Variants in DCUN1D4 observed in about 807,000 individuals in gnomAD.
DCUN1D4 encodes defective in cullin neddylation 1 domain containing 4.
Under a neutral mutation model 47.9 loss-of-function variants are expected in DCUN1D4, and 22 were observed. The observed-to-expected ratio is 0.46, with a 90% CI of 0.33 to 0.66. The LOEUF (loss-of-function observed/expected upper bound fraction) is 0.66. Ranked by LOEUF, DCUN1D4 falls within the 30% of genes least tolerant of loss-of-function variation. The pLI is 0.02. For missense variants in DCUN1D4, 301 were observed against 340.8 expected (o/e 0.88, Z 0.92); for synonymous variants, 121 against 112.2 (o/e 1.08, Z -0.50).
At chr4:51,890,203 T>G (rs1196750847) in intron 6 of DCUN1D4, among the ~76,000 whole-genome samples, 1 of 152,048 alleles carries the variant, frequency 6.6e-6, no homozygotes, top group East Asian at 1.9e-4. Flanking sequence ...GTTCTAGAGT[T>G]TTTAATGGAC....
chr4:51,885,459 C>A (rs966000216), intron 5 of DCUN1D4, among the ~76,000 whole-genome samples: 2 of 152,130 alleles, frequency 1.3e-5, no homozygotes, highest in Non-Finnish European at 2.9e-5. Context: ...ATAAGCAGGC[C>A]TGATATCGAG....
In DCUN1D4 at chr4:51,913,712, G is replaced by C; in HGVS notation, c.*128G>C. 1.2e-6 allele frequency: 1 copy of C among 846,670 alleles called. No individual in the cohort carries two copies. Among genetic ancestry groups the C allele is most frequent in the Admixed American group, 2.1e-5 (1 of 47,578 alleles). The allele number at this position is 846,670 out of a possible 1,614,324, so 52.4% of individuals were successfully genotyped here. ...TGTTTCCCTTTCGCAGGGACATGTT[G>C]GTGTTTGCTATTGAATTGGCCAGCT... On this transcript the variant is annotated 3_prime_UTR_variant, in exon 11 of 11. Transcript: ENST00000334635.
At position 51,883,428 on chromosome 4, in the gene DCUN1D4, C is replaced by T. The variant is rs532806216; in HGVS notation, c.344-3140C>T. Among the ~76,000 whole-genome samples the T allele has an allele frequency of 3.9e-5, 6 of 152,258 alleles. No individual in the cohort carries two copies. In the South Asian group the frequency reaches 1.2e-3, roughly 32 times the overall value. Reference sequence around the variant, plus strand: ...TGATGTGTAGTGTGTCTAATACATACATGAATGTGCACATGTGGATATATG... The same window carrying T: ...TGATGTGTAGTGTGTCTAATACATATATGAATGTGCACATGTGGATATATG... On this transcript the variant is annotated intron_variant, in intron 5 of 10. Transcript: ENST00000334635.
intron 8 of DCUN1D4, among the ~76,000 whole-genome samples, chr4:51,902,107 C>G (rs926175000): frequency 6.6e-6 from 1 of 152,146 alleles, no homozygotes; most frequent in Non-Finnish European, 1.5e-5. Context: ...TCCAGATAAT[C>G]TTTCTATTAT....
intron 1 of DCUN1D4, 118 bp from the exon 2 acceptor site, chr4:51,863,319 G>T (rs1342338917): frequency 1.2e-6 from 1 of 806,748 alleles, no homozygotes; most frequent in South Asian, 1.6e-5. Context: ...AAAAACTTTA[G>T]TGTCAAATTA....
intron 3 of DCUN1D4, among the ~76,000 whole-genome samples, chr4:51,869,250 T>G (rs1028517896): frequency 6.6e-6 from 1 of 152,090 alleles, no homozygotes; most frequent in Non-Finnish European, 1.5e-5. Context: ...TCTTTTGTCC[T>G]TAGCAGTTCA....
chr4:51,872,441 A>G (rs1013927415), intron 3 of DCUN1D4, among the ~76,000 whole-genome samples: 2 of 151,826 alleles, frequency 1.3e-5, no homozygotes, highest in Admixed American at 6.6e-5. Context: ...TCTGGCCTGC[A>G]CTCCCACCAA....
chr4:51,901,566 A>G (rs562391706), intron 8 of DCUN1D4, among the ~76,000 whole-genome samples: 1 of 152,202 alleles, frequency 6.6e-6, no homozygotes, highest in Admixed American at 6.5e-5. Flanking sequence ...TTGCATTAGC[A>G]CAGTTGTACC....
At chr4:51,858,193 C>A (rs2109863437) in intron 1 of DCUN1D4, among the ~76,000 whole-genome samples, 1 of 152,150 alleles carries the variant, frequency 6.6e-6, no homozygotes. Context: ...TTGATACATG[C>A]ATAATTGTGG....
intron 3 of DCUN1D4, chr4:51,865,159 A>G (rs544670721): frequency 3.8e-5 from 8 of 210,346 alleles, no homozygotes; most frequent in African/African-American, 1.4e-4. Context: ...CTGCAGTTCA[A>G]TCACCTTTTT....
At chr4:51,855,559 A>T (rs1043069368) in intron 1 of DCUN1D4, among the ~76,000 whole-genome samples, 26 of 152,214 alleles carry the variant, frequency 1.7e-4, no homozygotes, top group African/African-American at 4.8e-4. Context: ...GTCAAGGGTC[A>T]TGGAGGCTGA....
At chr4:51,845,103 T>A (rs1722327207) in intron 1 of DCUN1D4, 1 of 985,364 alleles carries the variant, frequency 1.0e-6, no homozygotes, top group African/African-American at 1.7e-5. Flanking sequence ...TGTACCATCA[T>A]GCGCACGGGT....
At chr4:51,842,826 G>A (rs1224010415), upstream of DCUN1D4, among the ~76,000 whole-genome samples, 17 of 152,140 alleles carry the variant, frequency 1.1e-4, no homozygotes, top group Admixed American at 1.1e-3. Context: ...AATCCCGCCC[G>A]CCACTGGGCG....
chr4:51,891,270 T>C (rs1030015779), intron 6 of DCUN1D4, among the ~76,000 whole-genome samples: 2 of 152,278 alleles, frequency 1.3e-5, no homozygotes, highest in Admixed American at 1.3e-4. Context: ...GGTGTCATAG[T>C]ATTCCTTTAT....
chr4:51,889,416 C>T (rs2110057652), intron 6 of DCUN1D4, among the ~76,000 whole-genome samples: 1 of 152,314 alleles, frequency 6.6e-6, no homozygotes, highest in African/African-American at 2.4e-5. Context: ...TTGTAAAATT[C>T]AAGTCTATGT....
At chr4:51,851,434 G>T (rs1213372447) in intron 1 of DCUN1D4, among the ~76,000 whole-genome samples, 1 of 152,182 alleles carries the variant, frequency 6.6e-6, no homozygotes. Context: ...TATGGGGTCA[G>T]GTGGGAGCTT....
At chr4:51,845,099 A>G (rs1722326407) in intron 1 of DCUN1D4, 1 of 985,364 alleles carries the variant, frequency 1.0e-6, no homozygotes, top group Admixed American at 6.1e-5. Context: ...GTCTTGTACC[A>G]TCATGCGCAC....
chr4:51,845,275 C>G (rs1722359018), intron 1 of DCUN1D4: 3 of 985,108 alleles, frequency 3.0e-6, no homozygotes, highest in South Asian at 4.7e-5. Context: ...ATAATATAAA[C>G]TATGTGTTGG....
At chr4:51,894,465 G>T (rs189240745) in intron 7 of DCUN1D4, among the ~76,000 whole-genome samples, 1 of 151,330 alleles carries the variant, frequency 6.6e-6, no homozygotes, top group East Asian at 2.0e-4. Context: ...AGTATTCCAG[G>T]CCCTAGGGAA....
Sources: allele counts gnomAD v4.1 joint callset (sites outside exome capture counted in the v4.1 genomes callset), GRCh38; gene constraint gnomAD v4.1.1; transcripts MANE v1.5; gene names NCBI Gene and HGNC (gene_info 2026-07-23, HGNC 2026-07-21).